The following DNAJC2 variants were observed in gnomAD, a reference collection of about 807,000 sequenced individuals.
DNAJC2 encodes the protein DnaJ heat shock protein family (Hsp40) member C2.
Under a neutral mutation model 94.0 loss-of-function variants are expected in DNAJC2, and 32 were observed. The ratio of observed to expected loss-of-function variants is 0.34; its 90% CI spans 0.26 to 0.46. The LOEUF (loss-of-function observed/expected upper bound fraction) is 0.46. DNAJC2 is among the 20% of genes least tolerant of loss of function. DNAJC2 has a pLI of 1.00. For missense variants in DNAJC2, 550 were observed against 719.5 expected (o/e 0.76, Z 2.69); for synonymous variants, 210 against 229.7 (o/e 0.91, Z 0.77).
At chr7:103,342,985 T>G (rs1819443959) in intron 1 of DNAJC2, among the ~76,000 whole-genome samples, 1 of 152,036 alleles carries the variant, frequency 6.6e-6, no homozygotes, top group Admixed American at 6.5e-5. Flanking sequence ...ATAAAAAATC[T>G]AAAAACAACT....
intron 9 of DNAJC2, 65 bp from the exon 10 acceptor site, chr7:103,322,146 T>G (rs970442830): frequency 8.3e-7 from 1 of 1,205,490 alleles, no homozygotes; most frequent in East Asian, 2.8e-5. Context: ...TTTTATAATT[T>G]TAAAAATTTA....
In DNAJC2 at chr7:103,312,903, T is replaced by G. The variant is rs776422459; in HGVS notation, c.1791+44A>C. ...AAAATATGAGCTATATCACCCAAGC[T>G]ACAATTTAAAATACAACAATCTATA... On this transcript the variant is annotated intron_variant, in intron 16 of 16. Coordinates refer to ENST00000379263, the MANE Select transcript of DNAJC2 (RefSeq NM_014377.3). The G allele has an allele frequency of 3.2e-6, 5 of 1,582,688 alleles. No individual in the cohort carries two copies. The Admixed American group carries it at 9.6e-5, about 30-fold the overall frequency.
rs747655475 is a variant in DNAJC2, at chr7:103,319,669, G to C, written c.1182C>G (p.Cys394Trp). ...TGCATGATGTGAGTGTTTCATTCAAGCACTGTAAGCTAAAGAAAAAAAAAG... is the reference window on the plus strand; with the variant it reads ...TGCATGATGTGAGTGTTTCATTCAACCACTGTAAGCTAAAGAAAAAAAAAG... Reference protein sequence around the residue: ...CDRLELASLQCLNETLTSCTK... With the variant: ...CDRLELASLQWLNETLTSCTK... The change falls in exon 12 of 17, where the codon TGC becomes TGG. Residue 394 changes from cysteine to tryptophan, a missense_variant. By Grantham distance (215) the Cys-to-Trp change is radical. Around this residue, in one of 2 missense-constraint regions of DNAJC2, gnomAD observed 271 missense variants for 302.6 expected, o/e 0.90. Transcript: ENST00000379263. 100 of 1,613,740 alleles carry C rather than the reference G, an allele frequency of 6.2e-5. No individual in the cohort carries two copies. The highest frequency in any genetic ancestry group is 1.0e-4 in the Admixed American group (6 of 59,942).
chr7:103,335,062 G>A (rs1819117194), intron 3 of DNAJC2, among the ~76,000 whole-genome samples: 1 of 152,166 alleles, frequency 6.6e-6, no homozygotes, highest in South Asian at 2.1e-4. Flanking sequence ...TCGAACTCCT[G>A]ACCTCAGGTG....
intron 4 of DNAJC2, 197 bp downstream of exon 4, chr7:103,327,459 A>T (rs1818765914): frequency 1.4e-6 from 1 of 732,376 alleles, no homozygotes; most frequent in Non-Finnish European, 2.2e-6. Flanking sequence ...GGTGTTGCTG[A>T]TGCTGCTGGC....
At chr7:103,318,067 A>G (rs1818169660) in intron 12 of DNAJC2, among the ~76,000 whole-genome samples, 1 of 152,248 alleles carries the variant, frequency 6.6e-6, no homozygotes, top group Non-Finnish European at 1.5e-5. Context: ...AAAGATTTGC[A>G]GTAATGGAAA....
At chr7:103,318,858 C>T (rs1402708676) in intron 12 of DNAJC2, among the ~76,000 whole-genome samples, 1 of 152,158 alleles carries the variant, frequency 6.6e-6, no homozygotes, top group Non-Finnish European at 1.5e-5. Flanking sequence ...ACAAATCAAA[C>T]ACTAAGTATG....
intron 4 of DNAJC2, chr7:103,327,284 GA>G (rs749664223): frequency 0.08 from 61,890 of 771,268 alleles, 363 homozygotes; most frequent in African/African-American, 0.16. Flanking sequence ...CATCTGAAAC[GA>G]AAAAAAAAAA....
chr7:103,334,573 TAA>T (rs913266580), intron 3 of DNAJC2, among the ~76,000 whole-genome samples: 1 of 134,166 alleles, frequency 7.5e-6, no homozygotes, highest in Non-Finnish European at 1.6e-5. Context: ...GACTCCGTCT[TAA>T]AAAAAAAAAG....
chr7:103,318,988 G>A (rs924180023), intron 12 of DNAJC2, among the ~76,000 whole-genome samples: 5 of 152,102 alleles, frequency 3.3e-5, no homozygotes, highest in African/African-American at 1.2e-4. Context: ...AATGCGGACG[G>A]ATCACTTGAG....
chr7:103,319,121 G>C (rs1004851374), intron 12 of DNAJC2, among the ~76,000 whole-genome samples: 6 of 152,018 alleles, frequency 3.9e-5, no homozygotes, highest in Non-Finnish European at 8.8e-5. Flanking sequence ...CTGGGTGACA[G>C]AGAGAGACTC....
chr7:103,340,009 T>C (rs541610249), intron 2 of DNAJC2, among the ~76,000 whole-genome samples: 26 of 152,190 alleles, frequency 1.7e-4, no homozygotes, highest in Non-Finnish European at 1.9e-4. Flanking sequence ...TGGCTAATTT[T>C]GTATTTTTAG....
intron 10 of DNAJC2, among the ~76,000 whole-genome samples, chr7:103,321,389 G>A (rs1478410350): frequency 2.0e-5 from 3 of 147,150 alleles, no homozygotes. Context: ...GTGGTGGCAG[G>A]CACCTGTAAT....
intron 5 of DNAJC2, among the ~76,000 whole-genome samples, chr7:103,326,096 C>T (rs769086246): frequency 1.3e-5 from 2 of 152,016 alleles, no homozygotes; most frequent in Non-Finnish European, 2.9e-5. Flanking sequence ...CTCCCGTCTC[C>T]GCCTCCCGAG....
chr7:103,324,616 T>A (rs1818602336), intron 5 of DNAJC2, 54 bp from the exon 6 acceptor site: 1 of 1,303,156 alleles, frequency 7.7e-7, no homozygotes, highest in South Asian at 1.7e-5. Context: ...TGTACAACAG[T>A]TCAACAAACA....
In DNAJC2 at chr7:103,343,410, T is replaced by C. The variant is rs1392211497; in HGVS notation, c.64+1149A>G. 2.6e-5 allele frequency among the ~76,000 whole-genome samples: 4 copies of C among 152,332 alleles called. No homozygotes were observed. In the East Asian group the frequency reaches 7.7e-4, roughly 29 times the overall value. ...CAATTTTCCAAGCAGCAAATGGGAA[T>C]TTACTAATGCAGCTAAGCTGTAGTG... On this transcript the variant is annotated intron_variant, in intron 1 of 16. Transcript: ENST00000379263.
intron 3 of DNAJC2, chr7:103,328,949 A>G: frequency 8.2e-7 from 1 of 1,215,198 alleles, no homozygotes; most frequent in South Asian, 1.3e-5. Flanking sequence ...CACAGAAGTG[A>G]ACTTCATGAA....
At chr7:103,344,472 G>A in intron 1 of DNAJC2, 87 bp downstream of exon 1, 11 of 1,485,576 alleles carry the variant, frequency 7.4e-6, no homozygotes, top group Non-Finnish European at 1.0e-5. Flanking sequence ...CAGGGTCAAG[G>A]GTAGAGAGAG....
chr7:103,313,692 G>A (rs1228137379), intron 15 of DNAJC2: 28 of 985,258 alleles, frequency 2.8e-5, no homozygotes, highest in South Asian at 1.4e-4. Context: ...CTTGGGAGCC[G>A]ATGCTGAACA....
Sources: allele counts gnomAD v4.1 joint callset (sites outside exome capture counted in the v4.1 genomes callset), GRCh38; gene constraint gnomAD v4.1.1; regional missense constraint gnomAD v4.1.1; transcripts MANE v1.5; gene names NCBI Gene and HGNC (gene_info 2026-07-23, HGNC 2026-07-21).